The following UEVLD variants were observed in gnomAD, a reference collection of about 807,000 sequenced individuals.
The protein encoded by UEVLD is ubiquitin-conjugating enzyme E2 variant 3.
A neutral mutation model predicts 58.6 loss-of-function variants in UEVLD; 47 were observed. That is an observed-to-expected ratio of 0.80 (90% CI 0.63 to 1.02). The LOEUF (loss-of-function observed/expected upper bound fraction) is 1.02. UEVLD is among the 50% of genes least tolerant of loss of function. The pLI, the probability that UEVLD is intolerant of heterozygous loss-of-function variation, is 0.00. For missense variants in UEVLD, 510 were observed against 550.6 expected, an observed-to-expected ratio of 0.93 and a Z score of 0.74; for synonymous variants, 197 against 195.3, an observed-to-expected ratio of 1.01 and a Z score of -0.07.
At chr11:18,543,975 G>A (rs1565112169) in intron 9 of UEVLD, among the ~76,000 whole-genome samples, 1 of 152,196 alleles carries the variant, frequency 6.6e-6, no homozygotes, top group Non-Finnish European at 1.5e-5. Flanking sequence ...AAGCAAGGTT[G>A]AAGGGTGGGA....
In UEVLD at chr11:18,530,240, T is replaced by TA. The variant is rs1213238856; in HGVS notation, c.*2079dup. On this transcript the variant is annotated 3_prime_UTR_variant, in exon 12 of 12. Coordinates refer to ENST00000396197, the MANE Select transcript of UEVLD (RefSeq NM_001040697.4). ...AAAAAGGACAGTAAGAATACATTGT[T>TA]AGAGTAACATGAACTAATTCACGTG... 1.1e-4 allele frequency: 16 copies of TA among 152,358 alleles called. No individual in the cohort carries two copies. The highest frequency in any genetic ancestry group is 1.9e-4 in the Non-Finnish European group (13 of 68,028). 9.4% of individuals were successfully genotyped at this position (152,358 alleles called of 1,614,324 possible). A position where few individuals can be genotyped will look rare whatever the true frequency, so the allele number is the denominator to read the frequency against.
intron 5 of UEVLD, among the ~76,000 whole-genome samples, chr11:18,565,975 T>C (rs1852277376): frequency 6.7e-6 from 1 of 149,170 alleles, no homozygotes; most frequent in African/African-American, 2.5e-5. Flanking sequence ...CTCAGCTCAC[T>C]GCAACCTCTG....
At chr11:18,557,139 C>T (rs948985560) in intron 7 of UEVLD, among the ~76,000 whole-genome samples, 10 of 148,862 alleles carry the variant, frequency 6.7e-5, no homozygotes, top group Non-Finnish European at 1.0e-4. Flanking sequence ...ACATTTCAAA[C>T]GTTTTGTTTT....
At chr11:18,567,550 C>T (rs775869643) in intron 4 of UEVLD, among the ~76,000 whole-genome samples, 4 of 152,230 alleles carry the variant, frequency 2.6e-5, no homozygotes, top group Middle Eastern at 3.4e-3. Flanking sequence ...TCTGGAGAGA[C>T]GGTTATTGTG....
intron 8 of UEVLD, among the ~76,000 whole-genome samples, chr11:18,545,122 G>C (rs1851252508): frequency 6.8e-6 from 1 of 146,186 alleles, no homozygotes; most frequent in Non-Finnish European, 1.5e-5. Flanking sequence ...GCCCAGGCTG[G>C]AGTGCAGTGG....
At chr11:18,533,919 T>C (rs1170848841) in intron 11 of UEVLD, among the ~76,000 whole-genome samples, 3 of 152,234 alleles carry the variant, frequency 2.0e-5, no homozygotes, top group Non-Finnish European at 2.9e-5. Context: ...CTCCGAGTGC[T>C]GGGATTACAG....
At chr11:18,546,344 T>TA (rs1334646705) in intron 8 of UEVLD, among the ~76,000 whole-genome samples, 3 of 152,194 alleles carry the variant, frequency 2.0e-5, no homozygotes, top group African/African-American at 7.2e-5. Context: ...CATATTTCAT[T>TA]AAAAAATTGT....
At chr11:18,541,846 G>T (rs1168504325) in intron 9 of UEVLD, among the ~76,000 whole-genome samples, 1 of 152,166 alleles carries the variant, frequency 6.6e-6, no homozygotes, top group African/African-American at 2.4e-5. Flanking sequence ...GCTGTGGGGT[G>T]GGCCTGGGAG....
intron 6 of UEVLD, among the ~76,000 whole-genome samples, chr11:18,560,050 G>A (rs112261350): frequency 7.5e-6 from 1 of 133,778 alleles, no homozygotes; most frequent in Non-Finnish European, 1.6e-5. Flanking sequence ...GAGTCCAGGA[G>A]TTTCAGACCA....
intron 9 of UEVLD, among the ~76,000 whole-genome samples, chr11:18,539,965 C>A (rs1262000977): frequency 6.6e-6 from 1 of 152,228 alleles, no homozygotes; most frequent in Non-Finnish European, 1.5e-5. Flanking sequence ...GTTTCCAAAT[C>A]CTAATGTTGC....
chr11:18,550,040 T>C (rs1851462236), intron 7 of UEVLD, among the ~76,000 whole-genome samples: 2 of 151,856 alleles, frequency 1.3e-5, no homozygotes, highest in African/African-American at 4.8e-5. Flanking sequence ...CAGGCTGGTC[T>C]TGAACTCCTG....
At chr11:18,566,223 A>T in intron 5 of UEVLD, 124 bp downstream of exon 5, 1 of 1,390,716 alleles carries the variant, frequency 7.2e-7, no homozygotes, top group Non-Finnish European at 9.8e-7. Flanking sequence ...TTCTTATTTC[A>T]AAAACAGATG....
chr11:18,565,035 G>A (rs746302012), intron 5 of UEVLD, 25 bp from the exon 6 acceptor site: 2 of 1,527,312 alleles, frequency 1.3e-6, no homozygotes, highest in East Asian at 2.3e-5. Flanking sequence ...GAATTATCCT[G>A]AGAATTCAAA....
At chr11:18,575,589 T>TCAACAAGAGGAAA (rs1852866179) in intron 2 of UEVLD, among the ~76,000 whole-genome samples, 177 bp from the exon 3 acceptor site, 1 of 152,148 alleles carries the variant, frequency 6.6e-6, no homozygotes, top group Non-Finnish European at 1.5e-5. Flanking sequence ...TGACTAGATG[T>TCAACAAGAGGAAA]TGTTTACTTA....
At chr11:18,575,034 T>TC (rs34999373) in intron 3 of UEVLD, among the ~76,000 whole-genome samples, 1 of 152,042 alleles carries the variant, frequency 6.6e-6, no homozygotes, top group Non-Finnish European at 1.5e-5. Context: ...TTGAAAGAAG[T>TC]CCCCCCAAAA....
intron 1 of UEVLD, among the ~76,000 whole-genome samples, chr11:18,582,273 G>A (rs1480352318): frequency 1.3e-5 from 2 of 151,926 alleles, no homozygotes; most frequent in Non-Finnish European, 2.9e-5. Flanking sequence ...ACTCTTCTCG[G>A]GACTTAAAAA....
chr11:18,564,865 G>T, intron 6 of UEVLD, 27 bp downstream of exon 6: 1 of 1,517,758 alleles, frequency 6.6e-7, no homozygotes. Context: ...TATGATAGAT[G>T]TATTTATAAC....
chr11:18,556,705 A>G (rs571124860), intron 7 of UEVLD, among the ~76,000 whole-genome samples: 23 of 152,094 alleles, frequency 1.5e-4, no homozygotes, highest in African/African-American at 5.3e-4. Context: ...AATACTTTCA[A>G]CTCCACATCC....
At chr11:18,570,145 C>A in intron 4 of UEVLD, 69 bp downstream of exon 4, 1 of 1,414,206 alleles carries the variant, frequency 7.1e-7, no homozygotes, top group Non-Finnish European at 9.6e-7. Flanking sequence ...TTATTTGTAC[C>A]AGCAGAATCA....
Sources: allele counts gnomAD v4.1 joint callset (sites outside exome capture counted in the v4.1 genomes callset), GRCh38; gene constraint gnomAD v4.1.1; transcripts MANE v1.5; gene names NCBI Gene and HGNC (gene_info 2026-07-23, HGNC 2026-07-21).